Variants in KLRG1 observed in about 807,000 individuals in gnomAD.
KLRG1 encodes the protein killer cell lectin-like receptor subfamily G member 1.
A neutral mutation model predicts 21.8 loss-of-function variants in KLRG1; 16 were observed. The ratio of observed to expected loss-of-function variants is 0.73; its 90% confidence interval spans 0.50 to 1.11. KLRG1 has a LOEUF of 1.11. Ranked by LOEUF, KLRG1 falls within the 50% of genes most tolerant of loss-of-function variation. The pLI is 0.00. For synonymous variants in KLRG1, 69 were observed against 75.9 expected, an observed-to-expected ratio of 0.91 and a Z score of 0.47; for missense variants, 173 against 218.3, an observed-to-expected ratio of 0.79 and a Z score of 1.31.
chr12:9,156,355 C>A, the KLRG1 span: 1 of 194,876 alleles, frequency 5.1e-6, no homozygotes, highest in Admixed American at 5.0e-5. Flanking sequence ...CCTCCAGGCA[C>A]AGTCCTTCCT....
the KLRG1 span, among the ~76,000 whole-genome samples, chr12:9,057,346 C>A: frequency 6.6e-6 from 1 of 151,996 alleles, no homozygotes; most frequent in African/African-American, 2.4e-5. Context: ...ATAACAGATA[C>A]TGGAGACTCA....
At chr12:9,088,750 G>A in the KLRG1 span, among the ~76,000 whole-genome samples, 95 of 152,238 alleles carry the variant, frequency 6.2e-4, no homozygotes, top group African/African-American at 2.2e-3. Context: ...ATATTAATAT[G>A]ACAATAATGG....
At chr12:9,024,018 A>ATTTTTTTT in the KLRG1 span, among the ~76,000 whole-genome samples, 3 of 70,944 alleles carry the variant, frequency 4.2e-5, no homozygotes, top group African/African-American at 1.8e-4. Context: ...GAACACATGG[A>ATTTTTTTT]TTTTTTTTTT....
the KLRG1 span, chr12:9,027,608 T>C: frequency 3.0e-5 from 26 of 879,924 alleles, no homozygotes; most frequent in South Asian, 2.6e-4. Context: ...TGGCAAAGCA[T>C]TGGCCTCCAC....
chr12:9,161,083 A>G, the KLRG1 span: 2 of 1,602,300 alleles, frequency 1.2e-6, no homozygotes, highest in Non-Finnish European at 1.7e-6. Flanking sequence ...ATTTGATGGG[A>G]GCTTCAAGGA....
chr12:8,957,263 G>T (rs772594559), intron 1 of KLRG1, among the ~76,000 whole-genome samples: 5 of 152,304 alleles, frequency 3.3e-5, no homozygotes, highest in African/African-American at 1.2e-4. Context: ...CAAGGCCCCT[G>T]CTGTAGACAG....
the KLRG1 span, chr12:9,200,404 T>G: frequency 6.2e-7 from 1 of 1,611,506 alleles, no homozygotes; most frequent in East Asian, 2.2e-5. Context: ...TCCATGATAC[T>G]GATTATCTTT....
intron 1 of KLRG1, among the ~76,000 whole-genome samples, chr12:8,952,439 G>A (rs901596362): frequency 6.6e-6 from 1 of 152,182 alleles, no homozygotes; most frequent in Non-Finnish European, 1.5e-5. Context: ...TAATCTGCCT[G>A]CCTCAGCCTC....
intron 1 of KLRG1, among the ~76,000 whole-genome samples, chr12:8,967,832 A>G (rs1946502943): frequency 1.3e-5 from 2 of 152,308 alleles, no homozygotes; most frequent in East Asian, 1.9e-4. Flanking sequence ...ATACTATTGT[A>G]AAGTTCACTT....
chr12:9,053,176 AGT>A, the KLRG1 span, among the ~76,000 whole-genome samples: 1 of 150,906 alleles, frequency 6.6e-6, no homozygotes, highest in Non-Finnish European at 1.5e-5. Flanking sequence ...TCCTAGTCTG[AGT>A]GTGAGTGTGG....
At chr12:9,198,519 G>A in the KLRG1 span, among the ~76,000 whole-genome samples, 6 of 152,070 alleles carry the variant, frequency 3.9e-5, no homozygotes, top group Admixed American at 1.3e-4. Flanking sequence ...ACAGACACAC[G>A]CACACGTGCA....
intron 3 of KLRG1, among the ~76,000 whole-genome samples, chr12:8,995,976 C>T (rs181736867): frequency 1.3e-5 from 2 of 152,290 alleles, no homozygotes; most frequent in East Asian, 1.9e-4. Flanking sequence ...GCCACCGTGC[C>T]AGTCCTTATA....
chr12:9,083,388 A>T, the KLRG1 span, among the ~76,000 whole-genome samples: 1 of 150,706 alleles, frequency 6.6e-6, no homozygotes, highest in Non-Finnish European at 1.5e-5. Flanking sequence ...TTAAAGTATA[A>T]AAAAAAAAGA....
intron 1 of KLRG1, among the ~76,000 whole-genome samples, chr12:8,982,850 TG>T (rs1032772121): frequency 3.9e-5 from 6 of 152,144 alleles, no homozygotes; most frequent in African/African-American, 1.4e-4. Context: ...TTCACCATGT[TG>T]GCCAGGCTGG....
the KLRG1 span, among the ~76,000 whole-genome samples, chr12:9,173,135 A>T: frequency 2.6e-5 from 4 of 152,248 alleles, no homozygotes; most frequent in African/African-American, 9.6e-5. Context: ...TTCAGACGAC[A>T]GTGCAATCAA....
At chr12:9,074,087 TAAAA>T in the KLRG1 span, among the ~76,000 whole-genome samples, 52,433 of 131,292 alleles carry the variant, frequency 0.4, 9,959 homozygotes, top group Admixed American at 0.44. Flanking sequence ...GACTCTGTCT[TAAAA>T]AAAAAAAAAA....
chr12:9,206,567 C>G, the KLRG1 span, among the ~76,000 whole-genome samples: 1 of 152,150 alleles, frequency 6.6e-6, no homozygotes, highest in Admixed American at 6.5e-5. Flanking sequence ...TTAATTTTCT[C>G]TTTTTCATTT....
At chr12:9,031,007 G>A in the KLRG1 span, among the ~76,000 whole-genome samples, 4 of 152,344 alleles carry the variant, frequency 2.6e-5, no homozygotes, top group Admixed American at 2.6e-4. Flanking sequence ...TGGTCAAATT[G>A]TGGAGGCCTA....
chr12:9,119,054 C>T, the KLRG1 span, among the ~76,000 whole-genome samples: 520 of 152,244 alleles, frequency 3.4e-3, 1 homozygote, highest in Admixed American at 7.7e-3. Context: ...CTGAGTCCCA[C>T]GGAAGGGACC....
Sources: gnomAD v4.1 joint callset for allele counts (sites outside exome capture counted in the v4.1 genomes callset) on GRCh38, gnomAD v4.1.1 for gene constraint, MANE v1.5 for transcripts, NCBI Gene and HGNC (gene_info 2026-07-23, HGNC 2026-07-21) for gene names.